Variants in THSD7A observed in about 807,000 individuals in gnomAD.
THSD7A encodes thrombospondin type 1 domain containing 7A.
A neutral mutation model predicts 231.3 loss-of-function variants in THSD7A; 96 were observed. The observed-to-expected ratio is 0.41, with a 90% CI of 0.35 to 0.49. THSD7A has a LOEUF of 0.49. THSD7A is among the 20% of genes least tolerant of loss of function. THSD7A has a pLI of 0.05. For missense variants in THSD7A, 2,290 were observed against 2,070.2 expected (o/e 1.11, Z -2.06); for synonymous variants, 940 against 743.3 (o/e 1.26, Z -4.30).
chr7:11,507,985 T>G (rs925853267), intron 6 of THSD7A, among the ~76,000 whole-genome samples: 1 of 152,170 alleles, frequency 6.6e-6, no homozygotes, highest in Non-Finnish European at 1.5e-5. Flanking sequence ...CTTAAAATCA[T>G]GGCAGAAGGT....
chr7:11,691,613 A>G (rs893132927), intron 1 of THSD7A, among the ~76,000 whole-genome samples: 10 of 151,440 alleles, frequency 6.6e-5, no homozygotes, highest in Non-Finnish European at 1.5e-4. Context: ...CATAACATCT[A>G]TATCTATACA....
chr7:11,576,573 G>A (rs1237620317), intron 4 of THSD7A, among the ~76,000 whole-genome samples: 2 of 152,128 alleles, frequency 1.3e-5, no homozygotes, highest in African/African-American at 4.8e-5. Flanking sequence ...ATTCATACCA[G>A]GTGACTTGAT....
intron 23 of THSD7A, among the ~76,000 whole-genome samples, chr7:11,392,320 G>A (rs1258239074): frequency 6.6e-6 from 1 of 151,926 alleles, no homozygotes; most frequent in Non-Finnish European, 1.5e-5. Context: ...CTAGCCAAGG[G>A]AAGCCATGAG....
At chr7:11,781,252 C>G (rs1783621208) in intron 1 of THSD7A, among the ~76,000 whole-genome samples, 1 of 150,810 alleles carries the variant, frequency 6.6e-6, no homozygotes, top group Non-Finnish European at 1.5e-5. Context: ...GTGTTCAAGA[C>G]CTGGGCAACA....
chr7:11,387,636 C>G (rs1316078779), intron 23 of THSD7A, among the ~76,000 whole-genome samples: 5 of 152,176 alleles, frequency 3.3e-5, no homozygotes, highest in African/African-American at 4.8e-5. Flanking sequence ...TCTAAATATA[C>G]AATCATGTCA....
intron 6 of THSD7A, among the ~76,000 whole-genome samples, chr7:11,539,192 T>C (rs942573627): frequency 5.9e-5 from 9 of 152,260 alleles, no homozygotes; most frequent in South Asian, 2.1e-4. Flanking sequence ...CATGATAATA[T>C]GGGAGCAGTA....
chr7:11,541,868 C>A (rs183651045), intron 5 of THSD7A, among the ~76,000 whole-genome samples: 1 of 152,242 alleles, frequency 6.6e-6, no homozygotes, highest in Admixed American at 6.5e-5. Flanking sequence ...TTTTAGCTTA[C>A]TACTGCAAAG....
chr7:11,628,856 A>C (rs1303335201), intron 2 of THSD7A, among the ~76,000 whole-genome samples: 2 of 152,228 alleles, frequency 1.3e-5, no homozygotes, highest in African/African-American at 4.8e-5. Context: ...CAGGGCCAGC[A>C]GAAAACAATG....
intron 1 of THSD7A, among the ~76,000 whole-genome samples, chr7:11,724,196 G>T (rs937245256): frequency 6.6e-6 from 1 of 151,884 alleles, no homozygotes; most frequent in Non-Finnish European, 1.5e-5. Flanking sequence ...GTACATAAAA[G>T]AATGTAGCTG....
intron 1 of THSD7A, among the ~76,000 whole-genome samples, chr7:11,716,626 G>T (rs1032215114): frequency 2.1e-5 from 3 of 144,710 alleles, no homozygotes; most frequent in African/African-American, 7.6e-5. Context: ...AGACTATACA[G>T]TAGGGGTTTT....
At chr7:11,648,248 G>T (rs767049252) in intron 1 of THSD7A, among the ~76,000 whole-genome samples, 3 of 152,022 alleles carry the variant, frequency 2.0e-5, no homozygotes. Flanking sequence ...AACAAGTGGG[G>T]CTGCTGTGTT....
In THSD7A at chr7:11,436,878, T is replaced by C. The variant is rs918822060; in HGVS notation, c.3065-7753A>G. Among the ~76,000 whole-genome samples, 3 of 152,064 alleles carry C rather than the reference T, an allele frequency of 2.0e-5. No homozygotes were observed. The East Asian group carries it at 5.8e-4, about 29-fold the overall frequency. ...GAAAGTGTTATTTGGATAAATTTCC[T>C]GTTTTATAAAATGTCTATTTAAAAG... is the stretch of plus-strand genomic sequence containing the variant. On this transcript the variant is annotated intron_variant, in intron 13 of 27. Transcript: ENST00000423059.
At chr7:11,469,214 G>A (rs990135047) in intron 9 of THSD7A, among the ~76,000 whole-genome samples, 5 of 152,162 alleles carry the variant, frequency 3.3e-5, no homozygotes, top group Non-Finnish European at 7.3e-5. Flanking sequence ...AATTTGCTCA[G>A]TTATTGCATA....
At chr7:11,593,887 C>G (rs776504430) in intron 2 of THSD7A, among the ~76,000 whole-genome samples, 45 of 152,148 alleles carry the variant, frequency 3.0e-4, no homozygotes, top group Middle Eastern at 3.4e-3. Flanking sequence ...AGTAAATATG[C>G]CTGCGTAAGT....
intron 6 of THSD7A, among the ~76,000 whole-genome samples, chr7:11,526,927 C>A (rs771974111): frequency 6.6e-6 from 1 of 152,166 alleles, no homozygotes; most frequent in Non-Finnish European, 1.5e-5. Context: ...AGCTAACTTT[C>A]TCTCTATTGC....
chr7:11,488,880 G>T (rs1166685831), intron 6 of THSD7A, among the ~76,000 whole-genome samples: 1 of 151,940 alleles, frequency 6.6e-6, no homozygotes, highest in Non-Finnish European at 1.5e-5. Flanking sequence ...CTGCCATTTT[G>T]CAAACACTGT....
At chr7:11,818,759 T>C (rs570411566) in intron 1 of THSD7A, among the ~76,000 whole-genome samples, 1 of 152,346 alleles carries the variant, frequency 6.6e-6, no homozygotes, top group Admixed American at 6.5e-5. Flanking sequence ...ATCTTTATTA[T>C]ATTTGCCTAT....
intron 1 of THSD7A, among the ~76,000 whole-genome samples, chr7:11,748,595 A>G (rs946708401): frequency 6.6e-6 from 1 of 152,006 alleles, no homozygotes; most frequent in Non-Finnish European, 1.5e-5. Context: ...AAGAGACATC[A>G]TGAAAAGTCA....
In THSD7A at chr7:11,831,388, TA is replaced by T. The variant is rs1210785865; in HGVS notation, c.190+368del. Among the ~76,000 whole-genome samples the T allele has an allele frequency of 6.6e-6, 1 of 152,174 alleles. No individual in the cohort carries two copies. Among genetic ancestry groups the T allele is most frequent in the African/African-American group, 2.4e-5 (1 of 41,448 alleles). ...ATGACAGTGAGCATATTGCTTTGCC[TA>T]AAGAATAAAGACTGAGACTAAACTC... On this transcript the variant is annotated intron_variant, in intron 1 of 27. Coordinates refer to ENST00000423059, the MANE Select transcript of THSD7A (RefSeq NM_015204.3). The surrounding 1 kb of genome is among the most constrained non-coding windows in gnomAD (Gnocchi z 5.0).
Sources: allele counts gnomAD v4.1 joint callset (sites outside exome capture counted in the v4.1 genomes callset), GRCh38; gene constraint gnomAD v4.1.1; non-coding constraint Gnocchi (gnomAD v3.1); transcripts MANE v1.5; gene names NCBI Gene and HGNC (gene_info 2026-07-23, HGNC 2026-07-21).